Variants in OSCAR observed in about 807,000 individuals in gnomAD.
OSCAR encodes osteoclast-associated immunoglobulin-like receptor.
A neutral mutation model predicts 27.3 loss-of-function variants in OSCAR; 25 were observed. That is an observed-to-expected ratio of 0.92 (90% CI 0.67 to 1.28). OSCAR has a LOEUF of 1.28. OSCAR is among the 50% of genes most tolerant of loss of function. The probability of loss-of-function intolerance (pLI) is 0.00; values close to 1 mark genes in which losing one functional copy is unlikely to be tolerated. For missense variants in OSCAR, 354 were observed against 355.1 expected, an observed-to-expected ratio of 1.00 and a Z score of 0.03; for synonymous variants, 158 against 165.7, an observed-to-expected ratio of 0.95 and a Z score of 0.36.
chr19:54,094,757 C>G lies in OSCAR; in HGVS notation c.*464G>C, dbSNP rs1235702923. The G allele has an allele frequency of 1.9e-5, 3 of 154,254 alleles. No individual in the cohort carries two copies. The highest frequency in any genetic ancestry group is 7.2e-5 in the African/African-American group (3 of 41,522). 9.6% of individuals were successfully genotyped at this position (154,254 alleles called of 1,614,324 possible). ...TCTGGTGGGGTGCCGCGCTCGCCAG[C>G]TTTTATTCCCTTATTGTCCCCGCCC... On this transcript the variant is annotated 3_prime_UTR_variant, in exon 5 of 5. Transcript: ENST00000358375.
rs375647043 is a variant in OSCAR, at chr19:54,095,464, A to G, written c.656-107T>C. The G allele has an allele frequency of 1.7e-5, 25 of 1,465,614 alleles. No homozygotes were observed. The South Asian group carries it at 3.5e-4, about 21-fold the overall frequency. 90.8% of individuals were successfully genotyped at this position (1,465,614 alleles called of 1,614,324 possible). A position where few individuals can be genotyped will look rare whatever the true frequency, so the allele number is the denominator to read the frequency against. On this transcript the variant is annotated intron_variant, in intron 4 of 4. Coordinates refer to ENST00000358375, the MANE Select transcript of OSCAR (RefSeq NM_133169.6). The stretch of plus-strand genomic sequence containing the variant: ...GGGGTGGACTTAGGGACCTGACTCT[A>G]CAGTCTCAAAGTTGAGGGGGAGTCG...
intron 1 of OSCAR, among the ~76,000 whole-genome samples, chr19:54,100,037 C>T (rs2072965579): frequency 6.6e-6 from 1 of 152,054 alleles, no homozygotes; most frequent in South Asian, 2.1e-4. Flanking sequence ...GTCTTGAACT[C>T]CTGTCCTCAG....
Position 54,095,995 on chromosome 19 carries a change from G to T in OSCAR, c.532C>A (p.Pro178Thr), listed in dbSNP as rs961307207. Residue 178 changes from proline to threonine, a missense_variant, in exon 4 of 5, where the codon CCC becomes ACC. By Grantham distance (38) the Pro-to-Thr change is conservative. Transcript: ENST00000358375. ...APLQYRHSAQ[P>T]WADFTLLGAR... ...CCCAGCAGCGTGAAGTCGGCCCAGG[G>T]CTGCGCGGAGTGGCGGTACTGCAGC... 6.3e-7 allele frequency: 1 copy of T among 1,587,640 alleles called. No homozygotes were observed. The highest frequency in any genetic ancestry group is 1.3e-5 in the African/African-American group (1 of 74,650).
chr19:54,095,868 TC>T lies in OSCAR; in HGVS notation c.655+3del. The T allele has an allele frequency of 6.4e-7, 1 of 1,554,752 alleles. No individual in the cohort carries two copies. Among genetic ancestry groups the T allele is most frequent in the Non-Finnish European group, 8.7e-7 (1 of 1,148,814 alleles). The stretch of plus-strand genomic sequence containing the variant: ...GGAGGCGGGCCGGGCCTCAGGGCCC[TC>T]ACCTTCCCAGCTGATGACCAGCACC... On this transcript the variant is annotated splice_donor_region_variant and intron_variant, in intron 4 of 4. Transcript: ENST00000358375.
At chr19:54,097,549 T>C (rs1295800924) in intron 2 of OSCAR, among the ~76,000 whole-genome samples, 2 of 148,198 alleles carry the variant, frequency 1.3e-5, no homozygotes, top group Admixed American at 6.9e-5. Context: ...CCTCCCAAAG[T>C]GCTAAGTTTA....
chr19:54,097,037 C>G lies in OSCAR; in HGVS notation c.198G>C (p.Lys66Asn). 17 of 1,614,216 alleles carry G rather than the reference C, an allele frequency of 1.1e-5. No individual in the cohort carries two copies. Among genetic ancestry groups the G allele is most frequent in the Non-Finnish European group, 1.4e-5 (16 of 1,180,040 alleles). The change falls in exon 3 of 5, where the codon AAG becomes AAC. Residue 66 changes from lysine to asparagine, a missense_variant. Coordinates refer to ENST00000358375, the MANE Select transcript of OSCAR (RefSeq NM_133169.6). ...AGAGAAGGGGAGCGATCTCTCCAGG[C>G]TTGAAAAGTCCAAATCTCCAAGCGG... Reference protein sequence around the residue: ...PQPAWRFGLFKPGEIAPLLFR... With the variant: ...PQPAWRFGLFNPGEIAPLLFR...
At chr19:54,097,228 T>C in intron 2 of OSCAR, 64 bp from the exon 3 acceptor site, 1 of 1,495,426 alleles carries the variant, frequency 6.7e-7, no homozygotes, top group Non-Finnish European at 9.0e-7. Context: ...GAAAGGGAAG[T>C]TGGGGAAGGA....
intron 3 of OSCAR, 93 bp from the exon 4 acceptor site, chr19:54,096,246 C>CTGTGCCTCTCTCTCTCTT (rs2072688282): frequency 8.9e-7 from 1 of 1,121,326 alleles, no homozygotes; most frequent in East Asian, 2.9e-5. Context: ...CTCGCTTTCT[C>CTGTGCCTCTCTCTCTCTT]TGTGCCTCTC....
intron 2 of OSCAR, among the ~76,000 whole-genome samples, chr19:54,097,592 T>C (rs2072818187): frequency 8.0e-6 from 1 of 125,336 alleles, no homozygotes; most frequent in South Asian, 2.7e-4. Context: ...GACTTTTTTT[T>C]TTTTTTTTTT....
chr19:54,095,101 G>C lies in OSCAR; in HGVS notation c.*120C>G. ...AGCACAGGGCACAGCGGGGTCTAAGGACCGTTCCGCGGAGCTCAGCCAGCA... is the reference window on the plus strand; with the variant it reads ...AGCACAGGGCACAGCGGGGTCTAAGCACCGTTCCGCGGAGCTCAGCCAGCA... On this transcript the variant is annotated 3_prime_UTR_variant, in exon 5 of 5. Transcript: ENST00000358375. The C allele has an allele frequency of 1.4e-6, 2 of 1,441,422 alleles. No homozygotes were observed. Among genetic ancestry groups the C allele is most frequent in the Non-Finnish European group, 1.8e-6 (2 of 1,086,174 alleles). The allele number at this position is 1,441,422 out of a possible 1,614,324, so 89.3% of individuals were successfully genotyped here.
Position 54,095,630 on chromosome 19 carries a change from G to A in OSCAR, c.655+242C>T, listed in dbSNP as rs1356666918. 2.7e-5 allele frequency: 28 copies of A among 1,041,462 alleles called. No individual in the cohort carries two copies. The South Asian group carries it at 4.7e-4, about 17-fold the overall frequency. 64.5% of individuals were successfully genotyped at this position (1,041,462 alleles called of 1,614,324 possible). A position where few individuals can be genotyped will look rare whatever the true frequency, so the allele number is the denominator to read the frequency against. ...TGGAGTCCTGGGTCTGAGGGAGGAGGTACTGGGGCCCGGGAATCCTGGGTC... is the reference window on the plus strand; with the variant it reads ...TGGAGTCCTGGGTCTGAGGGAGGAGATACTGGGGCCCGGGAATCCTGGGTC... On this transcript the variant is annotated intron_variant, in intron 4 of 4. Transcript: ENST00000358375.
Position 54,096,857 on chromosome 19 carries a change from C to T in OSCAR, c.373+5G>A, listed in dbSNP as rs2072758084. The T allele has an allele frequency of 6.2e-7, 1 of 1,611,540 alleles. No homozygotes were observed. The highest frequency in any genetic ancestry group is 8.5e-7 in the Non-Finnish European group (1 of 1,178,460). On this transcript the variant is annotated splice_donor_5th_base_variant and intron_variant, in intron 3 of 4. Transcript: ENST00000358375. Reference sequence around the variant, plus strand: ...CACTTCTCCTCCCCGACCCCAGGACCTCACCTGTCACCAGCAGCTCCAGGA... The same window carrying T: ...CACTTCTCCTCCCCGACCCCAGGACTTCACCTGTCACCAGCAGCTCCAGGA...
chr19:54,097,327 T>C (rs1231897151), intron 2 of OSCAR, 163 bp from the exon 3 acceptor site: 1 of 747,416 alleles, frequency 1.3e-6, no homozygotes, highest in African/African-American at 1.8e-5. Flanking sequence ...CAATCAAGCC[T>C]TGTTAAAACC....
Position 54,097,096 on chromosome 19 carries a change from C to A in OSCAR, c.139G>T (p.Val47Phe). Reference protein sequence around the residue: ...AQPATVVTPGVNVTLRCRAPQ... With the variant: ...AQPATVVTPGFNVTLRCRAPQ... ...GCCCGGCATCTCAAGGTCACGTTGA[C>A]CCCAGGGGTCACAACTGTAGCCGGC... Residue 47 changes from valine to phenylalanine, a missense_variant, in exon 3 of 5, where the codon GTC (valine) becomes TTC (phenylalanine). By Grantham distance (50) the Val-to-Phe change is conservative. Coordinates refer to ENST00000358375, the MANE Select transcript of OSCAR (RefSeq NM_133169.6). The A allele has an allele frequency of 6.2e-7, 1 of 1,614,174 alleles. No individual in the cohort carries two copies. Among genetic ancestry groups the A allele is most frequent in the South Asian group, 1.1e-5 (1 of 91,084 alleles).
At position 54,097,071 on chromosome 19, in the gene OSCAR, G is replaced by A; in HGVS notation, c.164C>T (p.Ala55Val). The A allele has an allele frequency of 6.2e-7, 1 of 1,614,200 alleles. No individual in the cohort carries two copies. The highest frequency in any genetic ancestry group is 8.5e-7 in the Non-Finnish European group (1 of 1,180,030). Residue 55 changes from alanine (A) to valine (V), a missense_variant, in exon 3 of 5, where the codon GCA becomes GTA. Coordinates refer to ENST00000358375, the MANE Select transcript of OSCAR (RefSeq NM_133169.6). ...PGVNVTLRCRAPQPAWRFGLF... is the reference protein window; with the variant it reads ...PGVNVTLRCRVPQPAWRFGLF... ...TCCAAATCTCCAAGCGGGTTGGGGT[G>A]CCCGGCATCTCAAGGTCACGTTGAC...
intron 3 of OSCAR, among the ~76,000 whole-genome samples, chr19:54,096,656 TTCTC>T (rs56664596): frequency 7.6e-5 from 11 of 145,608 alleles, no homozygotes; most frequent in African/African-American, 2.6e-4. Context: ...TTCTGCCTCT[TTCTC>T]TCTCTCTCCC....
intron 3 of OSCAR, 89 bp from the exon 4 acceptor site, chr19:54,096,242 T>C (rs2072687963): frequency 8.6e-7 from 1 of 1,167,102 alleles, no homozygotes; most frequent in Non-Finnish European, 1.2e-6. Context: ...GTCTCTCGCT[T>C]TCTCTGTGCC....
At position 54,095,989 on chromosome 19, in the gene OSCAR, C is replaced by A. The variant is rs2072652010; in HGVS notation, c.538G>T (p.Ala180Ser). The A allele has an allele frequency of 1.9e-6, 3 of 1,588,422 alleles. No individual in the cohort carries two copies. In the East Asian group the frequency reaches 6.8e-5, roughly 36 times the overall value. The change falls in exon 4 of 5, where the codon GCC (alanine) becomes TCC (serine). Residue 180 changes from alanine to serine, a missense_variant. By Grantham distance (99) the Ala-to-Ser change is moderately conservative (BLOSUM62 1). Coordinates refer to ENST00000358375, the MANE Select transcript of OSCAR (RefSeq NM_133169.6). The stretch of plus-strand genomic sequence containing the variant: ...CGGGCGCCCAGCAGCGTGAAGTCGG[C>A]CCAGGGCTGCGCGGAGTGGCGGTAC... ...LQYRHSAQPW[A>S]DFTLLGARAP...
At chr19:54,096,186 T>C in intron 3 of OSCAR, 33 bp from the exon 4 acceptor site, 1 of 1,464,768 alleles carries the variant, frequency 6.8e-7, no homozygotes, top group Non-Finnish European at 9.0e-7. Context: ...CGGGGCCGCG[T>C]GAGCGTCTTC....
Sources: allele counts gnomAD v4.1 joint callset (sites outside exome capture counted in the v4.1 genomes callset), GRCh38; gene constraint gnomAD v4.1.1; transcripts MANE v1.5; gene names NCBI Gene and HGNC (gene_info 2026-07-23, HGNC 2026-07-21).